The following GRID2 variants were observed in gnomAD, a reference collection of about 807,000 sequenced individuals.
GRID2 encodes glutamate receptor ionotropic, delta-2.
A neutral mutation model predicts 114.8 loss-of-function variants in GRID2; 33 were observed. The ratio of observed to expected loss-of-function variants is 0.29; its 90% CI spans 0.22 to 0.38. GRID2 has a LOEUF of 0.38. Among genes scored for constraint, GRID2 ranks in the 10% least tolerant of loss-of-function variants. The pLI, the probability that GRID2 is intolerant of heterozygous loss-of-function variation, is 1.00. For synonymous variants in GRID2, 505 were observed against 449.9 expected (o/e 1.12, Z -1.55); for missense variants, 1,184 against 1,257.7 (o/e 0.94, Z 0.89).
At chr4:92,636,224 T>A (rs1731058676) in intron 2 of GRID2, among the ~76,000 whole-genome samples, 1 of 152,122 alleles carries the variant, frequency 6.6e-6, no homozygotes, top group African/African-American at 2.4e-5. Flanking sequence ...CATCACACAG[T>A]GGCAGGATTC....
chr4:92,321,984 T>C (rs1306941156), intron 1 of GRID2, among the ~76,000 whole-genome samples: 1 of 152,158 alleles, frequency 6.6e-6, no homozygotes. Flanking sequence ...TATGGACTTA[T>C]GGACTATTGC....
chr4:93,297,268 T>C (rs1579584008), intron 8 of GRID2, among the ~76,000 whole-genome samples: 1 of 152,224 alleles, frequency 6.6e-6, no homozygotes, highest in African/African-American at 2.4e-5. Flanking sequence ...TATTGATGAA[T>C]GAATAAGTAA....
chr4:93,664,474 G>A (rs994204482), intron 14 of GRID2, among the ~76,000 whole-genome samples: 2 of 152,220 alleles, frequency 1.3e-5, no homozygotes, highest in African/African-American at 4.8e-5. Flanking sequence ...GCAATGTGAA[G>A]TATGTGAAGT....
At chr4:92,852,760 T>C (rs901322575) in intron 2 of GRID2, among the ~76,000 whole-genome samples, 2 of 151,912 alleles carry the variant, frequency 1.3e-5, no homozygotes, top group Non-Finnish European at 2.9e-5. Flanking sequence ...CACACTGGAA[T>C]ATTATGAAGA....
chr4:93,518,856 T>C (rs996972535), intron 13 of GRID2, among the ~76,000 whole-genome samples: 2 of 152,034 alleles, frequency 1.3e-5, no homozygotes, highest in African/African-American at 4.8e-5. Flanking sequence ...CATGCCTAGA[T>C]GTTCCAAGAA....
In GRID2 at chr4:93,455,819, C is replaced by T. The variant is rs1442900910; in HGVS notation, c.1703C>T (p.Ser568Phe). ...MFACLAPFDL[S>F]LWACIAGTVL... ...GCCTGTCTTGCACCATTTGATCTCT[C>T]TCTATGGGCTTGCATTGCTGGCACA... Residue 568 changes from serine (S) to phenylalanine (F), a missense_variant, in exon 11 of 16, where the codon TCT becomes TTT. Ser to Phe is a radical substitution (Grantham distance 155, BLOSUM62 -2). This residue lies in a region of GRID2 where 717 missense variants were observed against 796.9 expected (regional missense o/e 0.90). Transcript: ENST00000282020. The T allele has an allele frequency of 1.2e-6, 2 of 1,613,736 alleles. No individual in the cohort carries two copies. The highest frequency in any genetic ancestry group is 1.7e-5 in the Admixed American group (1 of 59,998).
At chr4:93,361,975 G>A (rs758991357) in intron 8 of GRID2, among the ~76,000 whole-genome samples, 1 of 151,938 alleles carries the variant, frequency 6.6e-6, no homozygotes, top group Non-Finnish European at 1.5e-5. Context: ...TATTTATCCC[G>A]ATGCTTTCCT....
At chr4:92,810,070 C>T (rs1175401246) in intron 2 of GRID2, among the ~76,000 whole-genome samples, 12 of 151,918 alleles carry the variant, frequency 7.9e-5, no homozygotes, top group Admixed American at 7.9e-4. Flanking sequence ...TAATTTTCAT[C>T]AGATTTAATA....
intron 2 of GRID2, among the ~76,000 whole-genome samples, chr4:93,083,161 A>G (rs1463238878): frequency 1.3e-5 from 2 of 152,092 alleles, no homozygotes; most frequent in Non-Finnish European, 2.9e-5. Flanking sequence ...TTTGATTTTA[A>G]ATGCTACAAA....
At chr4:93,440,616 C>A (rs887496655) in intron 10 of GRID2, among the ~76,000 whole-genome samples, 1 of 151,996 alleles carries the variant, frequency 6.6e-6, no homozygotes, top group Admixed American at 6.6e-5. Flanking sequence ...GATCATACAA[C>A]CTGTTTGTAT....
chr4:92,845,140 T>C (rs1004452224), intron 2 of GRID2, among the ~76,000 whole-genome samples: 4 of 152,138 alleles, frequency 2.6e-5, no homozygotes, highest in African/African-American at 9.7e-5. Flanking sequence ...CTGAAAGGTC[T>C]TGAAGACTCC....
chr4:93,530,354 C>A (rs544748187), intron 13 of GRID2, among the ~76,000 whole-genome samples: 31 of 152,260 alleles, frequency 2.0e-4, no homozygotes, highest in Non-Finnish European at 3.1e-4. Context: ...TTCATTTACT[C>A]ATTCATTACT....
At chr4:93,178,754 G>A (rs1439662713) in intron 4 of GRID2, among the ~76,000 whole-genome samples, 6 of 148,584 alleles carry the variant, frequency 4.0e-5, no homozygotes, top group East Asian at 4.0e-4. Context: ...GTGTGTGTGC[G>A]CTGAGATCAT....
chr4:93,726,939 A>G (rs1399201830), intron 14 of GRID2, among the ~76,000 whole-genome samples: 1 of 152,214 alleles, frequency 6.6e-6, no homozygotes, highest in African/African-American at 2.4e-5. Context: ...AAACAGGGAC[A>G]ATTTGACTTC....
At chr4:92,944,647 T>G (rs1751475716) in intron 2 of GRID2, among the ~76,000 whole-genome samples, 1 of 152,234 alleles carries the variant, frequency 6.6e-6, no homozygotes, top group Non-Finnish European at 1.5e-5. Flanking sequence ...CTCTTGTGCA[T>G]TGCTCACTGG....
At chr4:93,103,296 CA>C (rs1731875930) in intron 3 of GRID2, among the ~76,000 whole-genome samples, 1 of 152,032 alleles carries the variant, frequency 6.6e-6, no homozygotes, top group Admixed American at 6.6e-5. Context: ...TCCCTTGGGG[CA>C]CAGTGTTATT....
At position 92,943,235 on chromosome 4, in the gene GRID2, A is replaced by T. The variant is rs145578411; in HGVS notation, c.245-141760A>T. Among the ~76,000 whole-genome samples the T allele has an allele frequency of 8.8e-3, 1,342 of 152,284 alleles. 29 individuals are homozygous for T. The highest frequency in any genetic ancestry group is 0.031 in the African/African-American group (1,273 of 41,556). ...TCAGACATAGATTTGGTCTTTTCAC[A>T]TAGGCCCATATTTCTTGGGGGCTTT... On this transcript the variant is annotated intron_variant, in intron 2 of 15. Transcript: ENST00000282020.
At chr4:92,411,992 T>G (rs924500989) in intron 1 of GRID2, among the ~76,000 whole-genome samples, 1 of 151,538 alleles carries the variant, frequency 6.6e-6, no homozygotes, top group Non-Finnish European at 1.5e-5. Context: ...GGCCACAGAG[T>G]GTATTTCTTC....
chr4:92,498,625 GAATA>G (rs1442531374), intron 1 of GRID2, among the ~76,000 whole-genome samples: 7 of 151,630 alleles, frequency 4.6e-5, no homozygotes, highest in African/African-American at 1.5e-4. Flanking sequence ...AATGGACTAG[GAATA>G]AATAAATAAA....
Sources: gnomAD v4.1 joint callset for allele counts (sites outside exome capture counted in the v4.1 genomes callset) on GRCh38, gnomAD v4.1.1 for gene constraint, gnomAD v4.1.1 regional missense constraint, MANE v1.5 for transcripts, NCBI Gene and HGNC (gene_info 2026-07-23, HGNC 2026-07-21) for gene names.